The following COG5 variants were observed in gnomAD, a reference collection of about 807,000 sequenced individuals.
COG5 encodes conserved oligomeric Golgi complex subunit 5.
COG5 carries 86 observed loss-of-function variants against 110.4 expected under a neutral mutation model. The ratio of observed to expected loss-of-function variants is 0.78; its 90% confidence interval spans 0.65 to 0.93. The LOEUF is 0.93. Ranked by LOEUF, COG5 falls within the 40% of genes least tolerant of loss-of-function variation. The pLI, the probability that COG5 is intolerant of heterozygous loss-of-function variation, is 0.00. For synonymous variants in COG5, 360 were observed against 334.6 expected (o/e 1.08, Z -0.83); for missense variants, 1,077 against 987.0 (o/e 1.09, Z -1.22).
At chr7:107,539,651 C>T (rs992535842) in intron 5 of COG5, among the ~76,000 whole-genome samples, 2 of 152,042 alleles carry the variant, frequency 1.3e-5, no homozygotes, top group African/African-American at 2.4e-5. Context: ...ATTGTATTCA[C>T]AAGATGCAAT....
At chr7:107,342,594 C>T (rs1213945425) in intron 10 of COG5, among the ~76,000 whole-genome samples, 1 of 151,966 alleles carries the variant, frequency 6.6e-6, no homozygotes, top group East Asian at 1.9e-4. Context: ...AGGAGACTTG[C>T]TTGAACCTGG....
chr7:107,271,961 T>G (rs1214645791), intron 14 of COG5, among the ~76,000 whole-genome samples: 1 of 152,206 alleles, frequency 6.6e-6, no homozygotes, highest in Non-Finnish European at 1.5e-5. Context: ...AAATATTTTT[T>G]TAAAATATTC....
At position 107,522,408 on chromosome 7, in the gene COG5, C is replaced by T. The variant is rs566960682; in HGVS notation, c.538+4829G>A. Among the ~76,000 whole-genome samples, 36 of 152,222 alleles carry T rather than the reference C, an allele frequency of 2.4e-4. 1 individual carries two copies. The East Asian group carries it at 5.6e-3, about 24-fold the overall frequency. ...GCTTGAACCCAGGAGGCGGAGGTTG[C>T]GGTGAGCGGAGATTGCGCCATTGCA... On this transcript the variant is annotated intron_variant, in intron 6 of 21. Coordinates refer to ENST00000297135, the MANE Select transcript of COG5 (RefSeq NM_006348.5).
intron 16 of COG5, 21 bp from the exon 17 acceptor site, chr7:107,248,520 A>G: frequency 6.6e-7 from 1 of 1,526,076 alleles, no homozygotes; most frequent in Non-Finnish European, 9.0e-7. Context: ...AAAAGAAAGA[A>G]AAAAAAGAAG....
intron 6 of COG5, among the ~76,000 whole-genome samples, chr7:107,448,028 C>T (rs527486439): frequency 2.0e-5 from 3 of 152,174 alleles, no homozygotes; most frequent in African/African-American, 4.8e-5. Flanking sequence ...TGGTGGCACA[C>T]GCTTGTAATC....
At chr7:107,428,201 A>G (rs1390641094) in intron 6 of COG5, among the ~76,000 whole-genome samples, 1 of 152,168 alleles carries the variant, frequency 6.6e-6, no homozygotes, top group East Asian at 1.9e-4. Flanking sequence ...TGGCCTTCAC[A>G]CTTTAAATTG....
At chr7:107,393,860 CTG>C (rs559628227) in intron 7 of COG5, among the ~76,000 whole-genome samples, 1 of 152,188 alleles carries the variant, frequency 6.6e-6, no homozygotes, top group Non-Finnish European at 1.5e-5. Context: ...TGAATTGTCA[CTG>C]TAAGTTTCAA....
rs932552080 is a variant in COG5, at chr7:107,202,782, G to A, written c.*734C>T. On this transcript the variant is annotated 3_prime_UTR_variant, in exon 22 of 22. Transcript: ENST00000297135. ...TACAATAAAAATTTTTATTTTTCAC[G>A]TGGCATTTTTGTTACACGGTTAAAC... is the stretch of plus-strand genomic sequence containing the variant. The A allele has an allele frequency of 1.6e-4, 25 of 152,054 alleles. No individual in the cohort carries two copies. The highest frequency in any genetic ancestry group is 4.6e-4 in the African/African-American group (19 of 41,452). The allele number at this position is 152,054 out of a possible 1,614,324, so 9.4% of individuals were successfully genotyped here.
chr7:107,305,099 G>A (rs765783568), intron 11 of COG5, among the ~76,000 whole-genome samples: 28 of 152,190 alleles, frequency 1.8e-4, no homozygotes, highest in Non-Finnish European at 3.8e-4. Context: ...ACTTACCTGG[G>A]AGGACCTCTC....
chr7:107,474,837 A>C lies in COG5; in HGVS notation c.538+52400T>G, dbSNP rs756310303. The C allele has an allele frequency of 2.0e-5, 32 of 1,613,100 alleles. 1 individual carries two copies. In the Middle Eastern group the frequency reaches 6.6e-4, roughly 33 times the overall value. ...AGAAGAAAGCAAGAAAGAAAAAGAC[A>C]ATTTCTCTAACCACACAACATGAGG... On this transcript the variant is annotated intron_variant, in intron 6 of 21. Transcript: ENST00000297135. The surrounding 1 kb of genome is among the most constrained non-coding windows in gnomAD (Gnocchi z 5.7).
chr7:107,236,157 C>T (rs914721195), intron 18 of COG5, among the ~76,000 whole-genome samples: 5 of 152,118 alleles, frequency 3.3e-5, no homozygotes, highest in Admixed American at 1.3e-4. Flanking sequence ...GTGAGAAAAT[C>T]CCATATGAAA....
At chr7:107,226,062 T>TA (rs773520493) in intron 19 of COG5, among the ~76,000 whole-genome samples, 23 of 151,544 alleles carry the variant, frequency 1.5e-4, no homozygotes, top group East Asian at 9.7e-4. Context: ...AAAAAAACAA[T>TA]AAAAAAAATA....
intron 6 of COG5, among the ~76,000 whole-genome samples, chr7:107,448,102 G>C (rs1416257138): frequency 6.6e-6 from 1 of 152,106 alleles, no homozygotes; most frequent in Non-Finnish European, 1.5e-5. Context: ...GTTGCAGTGA[G>C]CCAAGATCAT....
chr7:107,272,021 C>T (rs1419843686), intron 14 of COG5, among the ~76,000 whole-genome samples: 1 of 152,042 alleles, frequency 6.6e-6, no homozygotes, highest in Admixed American at 6.6e-5. Flanking sequence ...CTTTGAAATA[C>T]CTGGGGGATT....
At chr7:107,283,337 T>C (rs1365447104) in intron 13 of COG5, among the ~76,000 whole-genome samples, 1 of 152,180 alleles carries the variant, frequency 6.6e-6, no homozygotes, top group Admixed American at 6.5e-5. Flanking sequence ...TGGCAAGATA[T>C]AGAATAATTA....
chr7:107,329,385 T>TG (rs113871496), intron 10 of COG5, among the ~76,000 whole-genome samples: 26,679 of 152,020 alleles, frequency 0.18, 2,614 homozygotes, highest in Non-Finnish European at 0.22. Context: ...AAGGTGGATT[T>TG]GGGGTAAGAT....
In COG5 at chr7:107,480,403, C is replaced by T. The variant is rs1797267561; in HGVS notation, c.538+46834G>A. ...TTGTATGTACTCATGAATGTAAGCCCCCACTCAGGGACTGCAGTGAACTCT... is the reference window on the plus strand; with the variant it reads ...TTGTATGTACTCATGAATGTAAGCCTCCACTCAGGGACTGCAGTGAACTCT... On this transcript the variant is annotated intron_variant, in intron 6 of 21. Transcript: ENST00000297135. Among the ~76,000 whole-genome samples the T allele has an allele frequency of 2.0e-5, 3 of 151,992 alleles. No individual in the cohort carries two copies. In the South Asian group the frequency reaches 6.2e-4, roughly 32 times the overall value.
intron 10 of COG5, among the ~76,000 whole-genome samples, chr7:107,347,408 T>C (rs145892800): frequency 0.011 from 1,744 of 152,284 alleles, 20 homozygotes; most frequent in Non-Finnish European, 0.015. Flanking sequence ...CACCCTTAAA[T>C]AGAATTATAG....
rs74435279 is a variant in COG5, at chr7:107,289,390, T to C, written c.1314-5658A>G. Among the ~76,000 whole-genome samples, 1,060 of 152,300 alleles carry C rather than the reference T, an allele frequency of 7.0e-3. 50 individuals carry two copies. The East Asian group carries it at 0.11, about 16-fold the overall frequency. On this transcript the variant is annotated intron_variant, in intron 12 of 21. Transcript: ENST00000297135. ...CCTTGTGCCAGGCAGTACTATACCA[T>C]AGGGATTAAAATTGCTTTGTAGTGA...
Sources: gnomAD v4.1 joint callset for allele counts (sites outside exome capture counted in the v4.1 genomes callset) on GRCh38, gnomAD v4.1.1 for gene constraint, Gnocchi (gnomAD v3.1) non-coding constraint, MANE v1.5 for transcripts, NCBI Gene and HGNC (gene_info 2026-07-23, HGNC 2026-07-21) for gene names.